RABGAP1L: variants seen among roughly 807,000 people sequenced by gnomAD.
The protein encoded by RABGAP1L is rab GTPase-activating protein 1-like.
Under a neutral mutation model 137.7 loss-of-function variants are expected in RABGAP1L, and 63 were observed. That is an observed-to-expected ratio of 0.46 (90% CI 0.37 to 0.56). The LOEUF (loss-of-function observed/expected upper bound fraction) is 0.56. Ranked by LOEUF, RABGAP1L falls within the 20% of genes least tolerant of loss-of-function variation. RABGAP1L has a pLI of 0.00. For synonymous variants in RABGAP1L, 431 were observed against 433.7 expected (o/e 0.99, Z 0.08); for missense variants, 1,095 against 1,244.0 (o/e 0.88, Z 1.80).
chr1:174,183,583 T>C (rs1423969231), intron 1 of RABGAP1L, among the ~76,000 whole-genome samples: 1 of 152,238 alleles, frequency 6.6e-6, no homozygotes, highest in African/African-American at 2.4e-5. Context: ...GTAGTAAATT[T>C]GTTACAGCTG....
At chr1:174,552,162 T>A (rs1018687262) in intron 13 of RABGAP1L, among the ~76,000 whole-genome samples, 11 of 152,256 alleles carry the variant, frequency 7.2e-5, no homozygotes, top group Admixed American at 6.5e-4. Context: ...TTATATTTTA[T>A]GTGATAAATG....
At chr1:174,764,853 A>C (rs1307488011) in intron 18 of RABGAP1L, among the ~76,000 whole-genome samples, 1 of 152,152 alleles carries the variant, frequency 6.6e-6, no homozygotes, top group Non-Finnish European at 1.5e-5. Flanking sequence ...ACATCATCCC[A>C]GGGGAGCTAG....
intron 13 of RABGAP1L, among the ~76,000 whole-genome samples, chr1:174,529,339 A>G (rs1368148088): frequency 1.3e-5 from 2 of 151,698 alleles, no homozygotes; most frequent in East Asian, 3.9e-4. Context: ...TTGGTTTTTT[A>G]GGACACTTTG....
intron 4 of RABGAP1L, among the ~76,000 whole-genome samples, chr1:174,240,703 T>C (rs1005491863): frequency 7.9e-5 from 12 of 152,334 alleles, no homozygotes; most frequent in Middle Eastern, 3.4e-3. Context: ...AATTAGGGCT[T>C]AGATAAACTA....
At chr1:174,612,851 T>C (rs1671398519) in intron 13 of RABGAP1L, among the ~76,000 whole-genome samples, 1 of 152,166 alleles carries the variant, frequency 6.6e-6, no homozygotes, top group Admixed American at 6.5e-5. Context: ...CGTAGAGGTA[T>C]TTGTAGTATT....
chr1:174,731,180 C>A (rs1453496741), intron 17 of RABGAP1L, among the ~76,000 whole-genome samples: 1 of 152,122 alleles, frequency 6.6e-6, no homozygotes, highest in Admixed American at 6.6e-5. Context: ...ACCATGTTGG[C>A]CAGGCTGGTC....
chr1:174,331,567 C>T (rs1307979177), intron 11 of RABGAP1L, among the ~76,000 whole-genome samples: 1 of 152,132 alleles, frequency 6.6e-6, no homozygotes, highest in Non-Finnish European at 1.5e-5. Context: ...AAATGCAAAT[C>T]AAAACCATAA....
At chr1:174,394,527 A>G (rs1647572549) in intron 13 of RABGAP1L, among the ~76,000 whole-genome samples, 1 of 152,210 alleles carries the variant, frequency 6.6e-6, no homozygotes, top group Non-Finnish European at 1.5e-5. Context: ...ATGAAATTAA[A>G]AATTCTTCTG....
chr1:174,720,290 TAGAC>T (rs1553241062), intron 17 of RABGAP1L, among the ~76,000 whole-genome samples: 126 of 141,738 alleles, frequency 8.9e-4, no homozygotes, highest in East Asian at 1.6e-3. Context: ...GATAGATAGA[TAGAC>T]AGACAGATAG....
Position 174,344,878 on chromosome 1 carries a change from C to T in RABGAP1L, c.1466-26101C>T, listed in dbSNP as rs149095116. Reference sequence around the variant, plus strand: ...AAATTGTTGCCCAGACCAATGTCCTCGAGAGTTTCCCCAATGTTTTCTTAT... The same window carrying T: ...AAATTGTTGCCCAGACCAATGTCCTTGAGAGTTTCCCCAATGTTTTCTTAT... On this transcript the variant is annotated intron_variant, in intron 11 of 25. Coordinates refer to ENST00000681986, the MANE Select transcript of RABGAP1L (RefSeq NM_001366446.1). Among the ~76,000 whole-genome samples, 86 of 152,222 alleles carry T rather than the reference C, an allele frequency of 5.6e-4. No individual in the cohort carries two copies. The East Asian group carries it at 6.4e-3, about 11-fold the overall frequency.
At chr1:174,305,180 C>A (rs770681149) in intron 11 of RABGAP1L, 53 bp downstream of exon 11, 42 of 1,449,992 alleles carry the variant, frequency 2.9e-5, no homozygotes, top group Non-Finnish European at 3.8e-5. Context: ...GCTTTACTTA[C>A]AATCTTCAGA....
At chr1:174,260,292 C>G (rs1384841434) in intron 7 of RABGAP1L, among the ~76,000 whole-genome samples, 1 of 152,122 alleles carries the variant, frequency 6.6e-6, no homozygotes, top group African/African-American at 2.4e-5. Context: ...TGATTATATA[C>G]TAGGTTTAAA....
At chr1:174,215,436 G>A (rs544701196) in intron 1 of RABGAP1L, among the ~76,000 whole-genome samples, 19 of 144,304 alleles carry the variant, frequency 1.3e-4, no homozygotes, top group African/African-American at 3.8e-4. Flanking sequence ...CAGCCTGGGC[G>A]ACAAGAGCGA....
intron 11 of RABGAP1L, among the ~76,000 whole-genome samples, chr1:174,364,242 CCTTTT>C (rs1684393550): frequency 8.8e-6 from 1 of 113,192 alleles, no homozygotes; most frequent in Non-Finnish European, 1.7e-5. Context: ...TTTTGGATTT[CCTTTT>C]TTTTTTTTTT....
chr1:174,369,339 G>A (rs1235743750), intron 11 of RABGAP1L, among the ~76,000 whole-genome samples: 1 of 152,042 alleles, frequency 6.6e-6, no homozygotes, highest in Non-Finnish European at 1.5e-5. Context: ...ATAGGAGTAC[G>A]CCACCATGCC....
intron 11 of RABGAP1L, among the ~76,000 whole-genome samples, chr1:174,356,831 T>G (rs1430008979): frequency 6.6e-6 from 1 of 152,192 alleles, no homozygotes; most frequent in Non-Finnish European, 1.5e-5. Context: ...ATAACAATAA[T>G]AGTAATTCAA....
intron 19 of RABGAP1L, among the ~76,000 whole-genome samples, chr1:174,941,655 G>A (rs1030344239): frequency 6.6e-6 from 1 of 151,298 alleles, no homozygotes; most frequent in South Asian, 2.1e-4. Context: ...TGGAGGCACT[G>A]ATATATACCC....
intron 13 of RABGAP1L, among the ~76,000 whole-genome samples, chr1:174,531,452 T>C (rs978862952): frequency 7.9e-5 from 12 of 151,886 alleles, no homozygotes; most frequent in African/African-American, 2.7e-4. Context: ...ATAGGAAAAA[T>C]ATAGGGCAGA....
At chr1:174,238,132 A>G (rs532624837) in intron 4 of RABGAP1L, among the ~76,000 whole-genome samples, 105 of 152,068 alleles carry the variant, frequency 6.9e-4, no homozygotes, top group African/African-American at 2.3e-3. Context: ...CAGCTCCTTT[A>G]GGCACTTCTC....
Sources: allele counts gnomAD v4.1 joint callset (sites outside exome capture counted in the v4.1 genomes callset), GRCh38; gene constraint gnomAD v4.1.1; transcripts MANE v1.5; gene names NCBI Gene and HGNC (gene_info 2026-07-23, HGNC 2026-07-21).